The following OSBPL6 variants were observed in gnomAD, a reference collection of about 807,000 sequenced individuals.
The protein encoded by OSBPL6 is oxysterol-binding protein-related protein 6.
OSBPL6 carries 49 observed loss-of-function variants against 125.8 expected under a neutral mutation model. The observed-to-expected ratio is 0.39, with a 90% confidence interval of 0.31 to 0.49. OSBPL6 has a LOEUF of 0.49. Among genes scored for constraint, OSBPL6 ranks in the 20% least tolerant of loss-of-function variants. The probability of loss-of-function intolerance (pLI) is 0.88; values close to 1 mark genes in which losing one functional copy is unlikely to be tolerated. For missense variants in OSBPL6, 986 were observed against 1,135.4 expected, an observed-to-expected ratio of 0.87 and a Z score of 1.89; for synonymous variants, 394 against 391.8, an observed-to-expected ratio of 1.01 and a Z score of -0.07.
intron 1 of OSBPL6, among the ~76,000 whole-genome samples, chr2:178,241,591 T>C (rs2091296043): frequency 6.6e-6 from 1 of 152,032 alleles, no homozygotes; most frequent in Admixed American, 6.5e-5. Context: ...AATTTTTTAA[T>C]TTTTAGTAGA....
intron 2 of OSBPL6, among the ~76,000 whole-genome samples, chr2:178,286,797 C>G (rs1684732200): frequency 1.3e-5 from 2 of 152,148 alleles, no homozygotes; most frequent in South Asian, 4.1e-4. Flanking sequence ...ATTCTGGACA[C>G]CAGGGCGACT....
At chr2:178,336,808 G>A (rs940580117) in intron 9 of OSBPL6, among the ~76,000 whole-genome samples, 2 of 152,118 alleles carry the variant, frequency 1.3e-5, no homozygotes, top group Non-Finnish European at 2.9e-5. Flanking sequence ...TCTGCCCATG[G>A]TCCCAGAATC....
At chr2:178,379,917 C>T (rs1165295013) in intron 15 of OSBPL6, among the ~76,000 whole-genome samples, 1 of 152,130 alleles carries the variant, frequency 6.6e-6, no homozygotes, top group African/African-American at 2.4e-5. Context: ...TCACTGTTCT[C>T]CCTAAATATA....
At chr2:178,378,939 G>A (rs578002739) in intron 15 of OSBPL6, among the ~76,000 whole-genome samples, 3 of 152,242 alleles carry the variant, frequency 2.0e-5, no homozygotes, top group East Asian at 3.9e-4. Flanking sequence ...GCAGAGGCAG[G>A]ATGATTGCTT....
intron 12 of OSBPL6, among the ~76,000 whole-genome samples, chr2:178,353,745 C>T (rs1401369717): frequency 6.6e-6 from 1 of 152,092 alleles, no homozygotes; most frequent in East Asian, 1.9e-4. Context: ...ACAGAAAATG[C>T]CACAAAGATA....
intron 1 of OSBPL6, among the ~76,000 whole-genome samples, chr2:178,245,303 C>G (rs922942568): frequency 6.6e-6 from 1 of 152,160 alleles, no homozygotes; most frequent in Non-Finnish European, 1.5e-5. Flanking sequence ...GATTGGCAAC[C>G]TTTTCATAAT....
At chr2:178,252,341 A>T (rs557994614) in intron 1 of OSBPL6, among the ~76,000 whole-genome samples, 54 of 132,834 alleles carry the variant, frequency 4.1e-4, no homozygotes, top group African/African-American at 1.5e-3. Flanking sequence ...CAACTACTCA[A>T]TTCTGCCATT....
At chr2:178,285,333 ATATTTGGT>A (rs1684596644) in intron 2 of OSBPL6, among the ~76,000 whole-genome samples, 1 of 152,166 alleles carries the variant, frequency 6.6e-6, no homozygotes, top group Non-Finnish European at 1.5e-5. Flanking sequence ...AAATGTGAAA[ATATTTGGT>A]AACCATTTTC....
At chr2:178,245,268 A>T (rs965376020) in intron 1 of OSBPL6, among the ~76,000 whole-genome samples, 19 of 152,166 alleles carry the variant, frequency 1.2e-4, no homozygotes, top group African/African-American at 1.9e-4. Flanking sequence ...TTAATTTTTT[A>T]AAAAAATCAT....
chr2:178,226,340 C>A (rs942675181), intron 1 of OSBPL6, among the ~76,000 whole-genome samples: 8 of 143,320 alleles, frequency 5.6e-5, no homozygotes, highest in African/African-American at 2.0e-4. Context: ...GGTGCAGTCA[C>A]CTTCCATGCT....
At chr2:178,311,556 T>C (rs1687268714) in intron 3 of OSBPL6, among the ~76,000 whole-genome samples, 2 of 152,266 alleles carry the variant, frequency 1.3e-5, no homozygotes, top group Admixed American at 6.5e-5. Context: ...TAGCACCTTG[T>C]ACAGCGCCTC....
chr2:178,206,082 T>C (rs1014250009), intron 1 of OSBPL6, among the ~76,000 whole-genome samples: 24 of 152,258 alleles, frequency 1.6e-4, no homozygotes, highest in African/African-American at 5.8e-4. Flanking sequence ...TCCACAATTC[T>C]TTTTAATACT....
intron 1 of OSBPL6, among the ~76,000 whole-genome samples, chr2:178,241,762 T>G (rs917494432): frequency 6.6e-6 from 1 of 152,294 alleles, no homozygotes; most frequent in Non-Finnish European, 1.5e-5. Flanking sequence ...GTTAAAATAA[T>G]TGCCTTGGAC....
intron 1 of OSBPL6, among the ~76,000 whole-genome samples, chr2:178,282,771 C>G (rs975590668): frequency 5.3e-5 from 8 of 152,212 alleles, no homozygotes; most frequent in African/African-American, 1.9e-4. Context: ...CCTGCCTCAG[C>G]CTCCTAAGTA....
At chr2:178,246,622 C>G (rs573831807) in intron 1 of OSBPL6, among the ~76,000 whole-genome samples, 5 of 152,316 alleles carry the variant, frequency 3.3e-5, no homozygotes, top group Middle Eastern at 3.4e-3. Flanking sequence ...AGCTGAAATC[C>G]TTTCCATCTA....
At chr2:178,205,049 T>C (rs749987132) in intron 1 of OSBPL6, among the ~76,000 whole-genome samples, 114 of 151,980 alleles carry the variant, frequency 7.5e-4, no homozygotes, top group Admixed American at 2.8e-3. Flanking sequence ...GTTTCACAGA[T>C]GAGAAAATAG....
At chr2:178,365,211 C>A (rs894283345) in intron 13 of OSBPL6, among the ~76,000 whole-genome samples, 2 of 151,946 alleles carry the variant, frequency 1.3e-5, no homozygotes, top group African/African-American at 4.8e-5. Context: ...TTTAAGTAGT[C>A]TAAAACTTTT....
intron 9 of OSBPL6, among the ~76,000 whole-genome samples, chr2:178,337,947 C>CTATTTTTTTTTTT: frequency 8.6e-6 from 1 of 116,196 alleles, no homozygotes; most frequent in Non-Finnish European, 1.8e-5. Context: ...ACTCAGTATT[C>CTATTTTTTTTTTT]TCTTTTTTTT....
At chr2:178,309,196 C>T (rs1194488327) in intron 3 of OSBPL6, among the ~76,000 whole-genome samples, 2 of 152,040 alleles carry the variant, frequency 1.3e-5, no homozygotes, top group African/African-American at 4.8e-5. Context: ...ACCCACTTTA[C>T]CCTCTCCTTC....
Sources: allele counts gnomAD v4.1 joint callset (sites outside exome capture counted in the v4.1 genomes callset), GRCh38; gene constraint gnomAD v4.1.1; transcripts MANE v1.5; gene names NCBI Gene and HGNC (gene_info 2026-07-23, HGNC 2026-07-21).